MC2R: variants seen among roughly 807,000 people sequenced by gnomAD.
The protein encoded by MC2R is melanocortin 2 receptor, also known as adrenocorticotropic hormone receptor.
MC2R carries 9 observed loss-of-function variants against 9.8 expected under a neutral mutation model. The ratio of observed to expected loss-of-function variants is 0.92; its 90% CI spans 0.55 to 1.60. The LOEUF is 1.60. Among genes scored for constraint, MC2R ranks in the 40% most tolerant of loss-of-function variants. The probability of loss-of-function intolerance (pLI) is 0.00; values close to 1 mark genes in which losing one functional copy is unlikely to be tolerated. For missense variants in MC2R, 370 were observed against 389.0 expected (o/e 0.95, Z 0.41); for synonymous variants, 185 against 154.7 (o/e 1.20, Z -1.45).
In MC2R at chr18:13,884,538, G is replaced by A; in HGVS notation, c.*87C>T. ...TCCATTAGGGAAGGAAGGCCAGTGAGGAGCACTGGCATTTGTTGGAATGTT... is the reference window on the plus strand; with the variant it reads ...TCCATTAGGGAAGGAAGGCCAGTGAAGAGCACTGGCATTTGTTGGAATGTT... On this transcript the variant is annotated 3_prime_UTR_variant, in exon 2 of 2. Coordinates refer to ENST00000327606, the MANE Select transcript of MC2R (RefSeq NM_000529.2). 1 of 1,412,360 alleles carries A rather than the reference G, an allele frequency of 7.1e-7. No homozygotes were observed. Among genetic ancestry groups the A allele is most frequent in the East Asian group, 2.3e-5 (1 of 43,948 alleles). The allele number at this position is 1,412,360 out of a possible 1,614,324, so 87.5% of individuals were successfully genotyped here.
chr18:13,885,689 G>C, intron 1 of MC2R, 43 bp from the exon 2 acceptor site: 1 of 706,228 alleles, frequency 1.4e-6, no homozygotes, highest in Non-Finnish European at 2.4e-6. Context: ...AAGTACACTA[G>C]AAAATAAAAA....
chr18:13,892,849 A>ACACAC (rs2045325098), intron 1 of MC2R, among the ~76,000 whole-genome samples: 1 of 144,918 alleles, frequency 6.9e-6, no homozygotes, highest in Non-Finnish European at 1.5e-5. Flanking sequence ...CACACACACC[A>ACACAC]CACACACACA....
chr18:13,890,206 G>A (rs2045307819), intron 1 of MC2R, among the ~76,000 whole-genome samples: 1 of 152,206 alleles, frequency 6.6e-6, no homozygotes, highest in Non-Finnish European at 1.5e-5. Context: ...GGTTTAGGAA[G>A]GGAGTTAATG....
chr18:13,915,547 A>G (rs1472649922), upstream of MC2R: 1 of 153,070 alleles, frequency 6.5e-6, no homozygotes, highest in African/African-American at 2.4e-5. Context: ...GAGCTCGGAG[A>G]GAAAAGCAAG....
chr18:13,883,329 A>G lies in MC2R; in HGVS notation c.*1296T>C, dbSNP rs144813857. The stretch of plus-strand genomic sequence containing the variant: ...CCTTTAAGCTGATTTTTAGCTATTA[A>G]AAATGAATGAACTTGCAAATTATGT... On this transcript the variant is annotated 3_prime_UTR_variant, in exon 2 of 2. Transcript: ENST00000327606. The G allele has an allele frequency of 1.3e-5, 2 of 152,330 alleles. No individual in the cohort carries two copies. Among genetic ancestry groups the G allele is most frequent in the African/African-American group, 4.8e-5 (2 of 41,566 alleles). 9.4% of individuals were successfully genotyped at this position (152,330 alleles called of 1,614,324 possible). A position where few individuals can be genotyped will look rare whatever the true frequency, so the allele number is the denominator to read the frequency against.
chr18:13,902,826 A>G (rs8084054), intron 1 of MC2R, among the ~76,000 whole-genome samples: 73,914 of 152,010 alleles, frequency 0.49, 18,410 homozygotes, highest in Middle Eastern at 0.6. Context: ...GTACCCAAAC[A>G]AAAATGGACA....
Position 13,884,813 on chromosome 18 carries a change from C to A in MC2R, c.706G>T (p.Val236Leu), listed in dbSNP as rs1213040288. 6.2e-7 allele frequency: 1 copy of A among 1,613,948 alleles called. No homozygotes were observed. The highest frequency in any genetic ancestry group is 2.2e-5 in the East Asian group (1 of 44,876). Residue 236 changes from valine (V) to leucine (L), a missense_variant, in exon 2 of 2, where the codon GTG becomes TTG. Coordinates refer to ENST00000327606, the MANE Select transcript of MC2R (RefSeq NM_000529.2). ...GVFIFCWAPF[V>L]LHVLLMTFCP... ...AATGTCATCAAGAGGACATGAAGCA[C>A]AAAGGGGGCCCAGCAGAAGATGAAG...
rs888000757 is a variant in MC2R at position 13,884,317 on chromosome 18, T to C, written c.*308A>G. On this transcript the variant is annotated 3_prime_UTR_variant, in exon 2 of 2. Coordinates refer to ENST00000327606, the MANE Select transcript of MC2R (RefSeq NM_000529.2). ...TTTTACTAGATTGGTGCAAAAGTAA[T>C]TGCAATTTTTGGTCATTGAAAGTAA... 3 of 418,880 alleles carry C rather than the reference T, an allele frequency of 7.2e-6. No homozygotes were observed. The highest frequency in any genetic ancestry group is 6.9e-5 in the South Asian group (3 of 43,342). The allele number at this position is 418,880 out of a possible 1,614,324, so 25.9% of individuals were successfully genotyped here. A position where few individuals can be genotyped will look rare whatever the true frequency, so the allele number is the denominator to read the frequency against.
intron 1 of MC2R, among the ~76,000 whole-genome samples, chr18:13,904,526 A>G (rs1300822322): frequency 4.0e-5 from 6 of 151,440 alleles, no homozygotes; most frequent in Non-Finnish European, 1.5e-5. Context: ...TTCGTTCAAT[A>G]TAATCCTGGA....
intron 1 of MC2R, among the ~76,000 whole-genome samples, chr18:13,896,469 AAG>A (rs1168278857): frequency 6.6e-6 from 1 of 152,238 alleles, no homozygotes; most frequent in Non-Finnish European, 1.5e-5. Flanking sequence ...GTTTTCTTTT[AAG>A]ATTGGAACCT....
intron 1 of MC2R, among the ~76,000 whole-genome samples, chr18:13,913,253 C>T (rs1465049066): frequency 6.6e-6 from 1 of 152,150 alleles, no homozygotes; most frequent in African/African-American, 2.4e-5. Flanking sequence ...CACCACCTTC[C>T]ACCCGCTCAC....
chr18:13,915,038 T>C (rs1167352710), intron 1 of MC2R, among the ~76,000 whole-genome samples: 1 of 152,198 alleles, frequency 6.6e-6, no homozygotes, highest in Non-Finnish European at 1.5e-5. Context: ...TAGACACCAA[T>C]GCCTGAGGTT....
intron 1 of MC2R, among the ~76,000 whole-genome samples, chr18:13,889,963 C>G (rs923157167): frequency 6.6e-6 from 1 of 152,176 alleles, no homozygotes; most frequent in African/African-American, 2.4e-5. Context: ...GGATTTAAAT[C>G]AAGATCTGTT....
intron 1 of MC2R, among the ~76,000 whole-genome samples, chr18:13,888,946 C>A (rs1286802837): frequency 6.6e-6 from 1 of 152,202 alleles, no homozygotes; most frequent in African/African-American, 2.4e-5. Flanking sequence ...TGTCCTCTCC[C>A]ATTTGCTTTT....
Position 13,884,272 on chromosome 18 carries a change from C to G in MC2R, c.*353G>C, listed in dbSNP as rs563776470. ...AGCAAGTCTTTGCCTTAGCCCAAAG[C>G]CCTTGAATTTTTATTGCTGTTTTAC... On this transcript the variant is annotated 3_prime_UTR_variant, in exon 2 of 2. Transcript: ENST00000327606. 13 of 345,110 alleles carry G rather than the reference C, an allele frequency of 3.8e-5. No individual in the cohort carries two copies. Among genetic ancestry groups the G allele is most frequent in the Non-Finnish European group, 6.1e-5 (11 of 179,190 alleles). 21.4% of individuals were successfully genotyped at this position (345,110 alleles called of 1,614,324 possible). A position where few individuals can be genotyped will look rare whatever the true frequency, so the allele number is the denominator to read the frequency against.
At chr18:13,891,554 G>C (rs2149137230) in intron 1 of MC2R, among the ~76,000 whole-genome samples, 1 of 152,320 alleles carries the variant, frequency 6.6e-6, no homozygotes. Context: ...ATGCCTGAGT[G>C]CCTGCCCCTT....
chr18:13,909,701 G>A (rs1340227212), intron 1 of MC2R, among the ~76,000 whole-genome samples: 3 of 152,164 alleles, frequency 2.0e-5, no homozygotes, highest in African/African-American at 7.2e-5. Context: ...TCTCTCAGTT[G>A]GCACCTGTGT....
chr18:13,903,416 C>T (rs1283718015), intron 1 of MC2R, among the ~76,000 whole-genome samples: 1 of 152,124 alleles, frequency 6.6e-6, no homozygotes, highest in Non-Finnish European at 1.5e-5. Flanking sequence ...GCACTGTTTA[C>T]AATAGCTAAG....
chr18:13,903,969 T>C (rs1357927214), intron 1 of MC2R, among the ~76,000 whole-genome samples: 3 of 144,744 alleles, frequency 2.1e-5, no homozygotes, highest in African/African-American at 8.0e-5. Flanking sequence ...TAAAAGAGAG[T>C]TTAGGTTTTT....
Sources: gnomAD v4.1 joint callset for allele counts (sites outside exome capture counted in the v4.1 genomes callset) on GRCh38, gnomAD v4.1.1 for gene constraint, MANE v1.5 for transcripts, NCBI Gene and HGNC (gene_info 2026-07-23, HGNC 2026-07-21) for gene names.